CSN3: variants seen among roughly 807,000 people sequenced by gnomAD.
CSN3 encodes the protein kappa-casein.
In CSN3, 7 loss-of-function variants were observed where a neutral mutation model predicts 9.9. That is an observed-to-expected ratio of 0.71 (90% CI 0.40 to 1.33). CSN3 has a LOEUF of 1.33. Ranked by LOEUF, CSN3 falls within the 40% of genes most tolerant of loss-of-function variation. The pLI is 0.01. For missense variants in CSN3, 253 were observed against 227.9 expected (o/e 1.11, Z -0.71); for synonymous variants, 88 against 82.3 (o/e 1.07, Z -0.37).
At chr4:70,248,962 A>T (rs1578255146) in intron 3 of CSN3, 36 bp from the exon 4 acceptor site, 3 of 1,061,914 alleles carry the variant, frequency 2.8e-6, no homozygotes, top group Non-Finnish European at 3.8e-6. Context: ...TTGGGTCTAT[A>T]ATAATAATAT....
upstream of CSN3, among the ~76,000 whole-genome samples, chr4:70,241,014 T>G (rs1730261160): frequency 6.6e-6 from 1 of 152,104 alleles, no homozygotes; most frequent in Admixed American, 6.6e-5. Context: ...GTGAAAACAA[T>G]GTCTTCAGAA....
rs778755160 is a variant in CSN3, at chr4:70,249,509, A to G, written c.*34+16A>G. 2.1e-5 allele frequency: 29 copies of G among 1,389,946 alleles called. 1 individual carries two copies. In the East Asian group the frequency reaches 6.1e-4, roughly 29 times the overall value. The allele number at this position is 1,389,946 out of a possible 1,614,324, so 86.1% of individuals were successfully genotyped here. On this transcript the variant is annotated intron_variant, in intron 4 of 4. Transcript: ENST00000304954. ...CACAACGCAGGTAAATTAACAGTAT[A>G]TAAAATGAGTAATTCCGACAAGAAG...
At chr4:70,244,788 A>G in intron 1 of CSN3, 24 bp from the exon 2 acceptor site, 1 of 1,388,514 alleles carries the variant, frequency 7.2e-7, no homozygotes, top group Non-Finnish European at 9.7e-7. Context: ...TTTTAAATTA[A>G]TTTTTTTTTA....
At chr4:70,241,761 T>C (rs1258464089), upstream of CSN3, among the ~76,000 whole-genome samples, 1 of 152,010 alleles carries the variant, frequency 6.6e-6, no homozygotes, top group African/African-American at 2.4e-5. Context: ...GGTTCACCTA[T>C]ATTATTGAAA....
chr4:70,249,329 T>C (rs1730440222), exon 4 of CSN3: 11 of 1,614,012 alleles, frequency 6.8e-6, no homozygotes, highest in Non-Finnish European at 9.3e-6. Context: ...ATTGCTACTG[T>C]TGAACCTACA....
chr4:70,238,631 A>G (rs1442421123), upstream of CSN3, among the ~76,000 whole-genome samples: 2 of 151,932 alleles, frequency 1.3e-5, no homozygotes, highest in Non-Finnish European at 2.9e-5. Context: ...GGGCGATAAG[A>G]GTGAAAGTAA....
chr4:70,242,245 G>C (rs1730285985), upstream of CSN3, among the ~76,000 whole-genome samples: 1 of 151,316 alleles, frequency 6.6e-6, no homozygotes. Context: ...CAAGCTTTAT[G>C]AGTGATGACT....
upstream of CSN3, among the ~76,000 whole-genome samples, chr4:70,242,170 A>T (rs1414191980): frequency 9.0e-6 from 1 of 110,958 alleles, no homozygotes; most frequent in African/African-American, 3.9e-5. Context: ...TAATATTTTT[A>T]AAAATTCTTC....
At chr4:70,239,755 G>A (rs556541000), upstream of CSN3, among the ~76,000 whole-genome samples, 20 of 152,018 alleles carry the variant, frequency 1.3e-4, no homozygotes, top group South Asian at 8.3e-4. Flanking sequence ...CAGTTTGTAT[G>A]TGTATTGTTT....
rs1361244206 is a variant in CSN3, at chr4:70,250,111, A to G, written c.*34+618A>G. On this transcript the variant is annotated intron_variant, in intron 4 of 4. Transcript: ENST00000304954. ...ATAAATATTAAAAGGATACTTTCAG[A>G]ACACAATGTGATGCAAAGTGTTACT... 3.9e-5 allele frequency among the ~76,000 whole-genome samples: 6 copies of G among 152,220 alleles called. No homozygotes were observed. The East Asian group carries it at 1.2e-3, about 29-fold the overall frequency.
chr4:70,249,449 C>A (rs1401465723), exon 4 of CSN3: 6 of 1,611,374 alleles, frequency 3.7e-6, no homozygotes, highest in Non-Finnish European at 5.1e-6. Context: ...GTTACTCCAC[C>A]TACGGCATAA....
chr4:70,238,549 T>A (rs1730215869), upstream of CSN3, among the ~76,000 whole-genome samples: 1 of 151,966 alleles, frequency 6.6e-6, no homozygotes, highest in African/African-American at 2.4e-5. Context: ...ATTGAGAATT[T>A]AATCAGAAGA....
At chr4:70,247,694 G>T (rs1730406751) in intron 2 of CSN3, 124 bp from the exon 3 acceptor site, 2 of 829,190 alleles carry the variant, frequency 2.4e-6, no homozygotes, top group Non-Finnish European at 1.9e-6. Context: ...CATGAAAAAT[G>T]TTTTAAAAAA....
At chr4:70,245,414 A>G (rs948268440) in intron 2 of CSN3, among the ~76,000 whole-genome samples, 3 of 152,124 alleles carry the variant, frequency 2.0e-5, no homozygotes, top group Admixed American at 6.6e-5. Context: ...CATTATGTCA[A>G]TTGACTGACC....
chr4:70,243,186 G>A (rs777799), intron 1 of CSN3: 722,825 of 971,368 alleles, frequency 0.74, 270,300 homozygotes, highest in East Asian at 0.95. Context: ...TGTAGCTGAT[G>A]CGCAAAGTAT....
Position 70,244,878 on chromosome 4 carries a change from G to A in CSN3, c.54+5G>A, listed in dbSNP as rs1730345817. The A allele has an allele frequency of 6.4e-7, 1 of 1,559,782 alleles. No homozygotes were observed. The highest frequency in any genetic ancestry group is 2.3e-5 in the East Asian group (1 of 42,880). Reference sequence around the variant, plus strand: ...GCATTAACCCTGCCTTTTTTGGTAAGTTAATTTCATCTAACCAGATTGTAC... The same window carrying A: ...GCATTAACCCTGCCTTTTTTGGTAAATTAATTTCATCTAACCAGATTGTAC... On this transcript the variant is annotated splice_donor_5th_base_variant and intron_variant, in intron 2 of 4. Transcript: ENST00000304954.
At chr4:70,249,061 G>A (rs2109698947) in exon 4 of CSN3, 1 of 1,613,712 alleles carries the variant, frequency 6.2e-7, no homozygotes, top group Admixed American at 1.7e-5. Context: ...AATGTATTAT[G>A]TGCCAAATAG....
In CSN3 at chr4:70,249,180, T is replaced by A. The variant is rs1330437564; in HGVS notation, c.270T>A (p.His90Gln). The A allele has an allele frequency of 3.1e-6, 5 of 1,613,932 alleles. No individual in the cohort carries two copies. In the Admixed American group the frequency reaches 6.7e-5, roughly 22 times the overall value. ...CAAACCCAGCTGTAGTTAGGCCACA[T>A]GCCCAAATTCCTCAGCGGCAATACC... is the stretch of plus-strand genomic sequence containing the variant. The change falls in exon 4 of 5, where the codon CAT becomes CAA. Residue 90 changes from histidine (H) to glutamine (Q), a missense_variant. By Grantham distance (24) the His-to-Gln change is conservative. Transcript: ENST00000304954.
At chr4:70,245,793 T>G (rs1024325406) in intron 2 of CSN3, among the ~76,000 whole-genome samples, 3 of 152,182 alleles carry the variant, frequency 2.0e-5, no homozygotes, top group African/African-American at 7.2e-5. Context: ...TGTGCTTGTG[T>G]ATAACATGTC....
Sources: allele counts gnomAD v4.1 joint callset (sites outside exome capture counted in the v4.1 genomes callset), GRCh38; gene constraint gnomAD v4.1.1; transcripts MANE v1.5; gene names NCBI Gene and HGNC (gene_info 2026-07-23, HGNC 2026-07-21).